Variants in SCFD2 observed in about 807,000 individuals in gnomAD.
SCFD2 encodes the protein sec1 family domain containing 2.
A neutral mutation model predicts 58.9 loss-of-function variants in SCFD2; 54 were observed. The observed-to-expected ratio is 0.92, with a 90% confidence interval of 0.74 to 1.15. SCFD2 has a LOEUF of 1.15. Among genes scored for constraint, SCFD2 ranks in the 50% most tolerant of loss-of-function variants. SCFD2 has a pLI of 0.00. For missense variants in SCFD2, 805 were observed against 836.6 expected (o/e 0.96, Z 0.47); for synonymous variants, 321 against 335.9 (o/e 0.96, Z 0.49).
intron 1 of SCFD2, among the ~76,000 whole-genome samples, chr4:53,356,886 G>A (rs1345665183): frequency 2.0e-5 from 3 of 151,858 alleles, no homozygotes; most frequent in Non-Finnish European, 2.9e-5. Flanking sequence ...ACAGGCGCCT[G>A]CCACCACGCC....
In SCFD2 at chr4:53,008,640, G is replaced by A. The variant is rs139888401; in HGVS notation, c.1562-87770C>T. The stretch of plus-strand genomic sequence containing the variant: ...AAGTCAGCCAGGGTCAGGGAATGGA[G>A]AGGTGCATGTATAAAACGCTCTTCA... On this transcript the variant is annotated intron_variant, in intron 5 of 8. Coordinates refer to ENST00000401642, the MANE Select transcript of SCFD2 (RefSeq NM_152540.4). 3.5e-3 allele frequency among the ~76,000 whole-genome samples: 526 copies of A among 152,256 alleles called. 2 individuals are homozygous for A. The highest frequency in any genetic ancestry group is 0.012 in the African/African-American group (500 of 41,560).
chr4:52,873,926 C>A lies in SCFD2; in HGVS notation c.*43G>T, dbSNP rs138867267. The A allele has an allele frequency of 7.9e-5, 113 of 1,433,318 alleles. No individual in the cohort carries two copies. Among genetic ancestry groups the A allele is most frequent in the Non-Finnish European group, 1.0e-4 (106 of 1,015,916 alleles). 88.8% of individuals were successfully genotyped at this position (1,433,318 alleles called of 1,614,324 possible). A position where few individuals can be genotyped will look rare whatever the true frequency, so the allele number is the denominator to read the frequency against. ...TTGGAGTGGTGGCAGAAAATTGCAT[C>A]GGCATTTCCAGCTTGAGTAGGTCTT... On this transcript the variant is annotated 3_prime_UTR_variant, in exon 9 of 9. Transcript: ENST00000401642.
intron 5 of SCFD2, among the ~76,000 whole-genome samples, chr4:53,140,488 GA>G (rs1439194163): frequency 2.0e-5 from 3 of 149,192 alleles, no homozygotes; most frequent in Non-Finnish European, 3.0e-5. Flanking sequence ...CCTTGTTTTA[GA>G]AAGCTGGGCA....
At chr4:53,361,546 G>A (rs1024626427) in intron 1 of SCFD2, among the ~76,000 whole-genome samples, 2 of 152,206 alleles carry the variant, frequency 1.3e-5, no homozygotes, top group Admixed American at 1.3e-4. Context: ...ACAGGCATGA[G>A]CCACTATACC....
At chr4:53,349,800 G>C (rs937227342) in intron 2 of SCFD2, among the ~76,000 whole-genome samples, 3 of 152,104 alleles carry the variant, frequency 2.0e-5, no homozygotes, top group Non-Finnish European at 4.4e-5. Context: ...CCAATGATGG[G>C]CTCTTCTTTC....
intron 4 of SCFD2, among the ~76,000 whole-genome samples, chr4:53,190,205 A>G (rs553486504): frequency 9.9e-6 from 1 of 100,622 alleles, no homozygotes; most frequent in South Asian, 4.3e-4. Flanking sequence ...ATAATCCCCA[A>G]TCACTGGCAT....
intron 8 of SCFD2, among the ~76,000 whole-genome samples, chr4:52,876,038 C>A (rs191385771): frequency 6.6e-6 from 1 of 151,766 alleles, no homozygotes; most frequent in African/African-American, 2.4e-5. Flanking sequence ...AGGGTCTCTA[C>A]GTCTTTCAGG....
At chr4:52,951,639 G>C (rs571639186) in intron 5 of SCFD2, among the ~76,000 whole-genome samples, 1 of 152,316 alleles carries the variant, frequency 6.6e-6, no homozygotes, top group African/African-American at 2.4e-5. Context: ...CATGTGATTA[G>C]TTCTTGTCAA....
At chr4:53,216,704 G>A (rs759659090) in intron 4 of SCFD2, among the ~76,000 whole-genome samples, 4 of 152,012 alleles carry the variant, frequency 2.6e-5, no homozygotes, top group Admixed American at 6.6e-5. Context: ...GAATGTGTTT[G>A]CTCTTGCTTC....
intron 4 of SCFD2, among the ~76,000 whole-genome samples, chr4:53,247,689 C>T (rs1437573522): frequency 6.6e-6 from 1 of 150,740 alleles, no homozygotes; most frequent in African/African-American, 2.4e-5. Context: ...GAAACCCCGT[C>T]TCTACTAAAA....
chr4:53,170,237 A>T (rs1255457730), intron 4 of SCFD2, among the ~76,000 whole-genome samples: 1 of 152,158 alleles, frequency 6.6e-6, no homozygotes, highest in Non-Finnish European at 1.5e-5. Flanking sequence ...GTTCAGTTTC[A>T]TTCTTTTGCA....
chr4:53,294,071 C>G (rs1193870752), intron 3 of SCFD2, among the ~76,000 whole-genome samples: 2 of 152,136 alleles, frequency 1.3e-5, no homozygotes, highest in African/African-American at 4.8e-5. Flanking sequence ...GGTTCCAAGT[C>G]TATGCTATTG....
At chr4:53,257,635 A>T (rs1056332180) in intron 4 of SCFD2, among the ~76,000 whole-genome samples, 1 of 152,152 alleles carries the variant, frequency 6.6e-6, no homozygotes, top group Non-Finnish European at 1.5e-5. Context: ...GGGTTTTTTG[A>T]TACAATATTG....
chr4:53,048,022 G>A (rs1341080912), intron 5 of SCFD2, among the ~76,000 whole-genome samples: 1 of 152,132 alleles, frequency 6.6e-6, no homozygotes, highest in East Asian at 1.9e-4. Context: ...AGACCCAGCA[G>A]CATCACCAGC....
At chr4:53,238,681 C>T (rs1306919610) in intron 4 of SCFD2, among the ~76,000 whole-genome samples, 18 of 148,198 alleles carry the variant, frequency 1.2e-4, no homozygotes, top group East Asian at 4.1e-4. Flanking sequence ...ACCTCCCAGA[C>T]GGGGTTGCGG....
At chr4:52,997,645 G>A (rs1390320507) in intron 5 of SCFD2, among the ~76,000 whole-genome samples, 1 of 152,192 alleles carries the variant, frequency 6.6e-6, no homozygotes, top group Non-Finnish European at 1.5e-5. Flanking sequence ...TCAGGGCTTA[G>A]GCCTGGGGAA....
chr4:53,138,347 T>TA (rs983528185), intron 5 of SCFD2, among the ~76,000 whole-genome samples: 16 of 152,204 alleles, frequency 1.1e-4, no homozygotes, highest in Admixed American at 1.0e-3. Context: ...CTTTTTTTGA[T>TA]ATACCTCTCT....
chr4:53,179,205 C>A (rs1727454840), intron 4 of SCFD2, among the ~76,000 whole-genome samples: 1 of 152,146 alleles, frequency 6.6e-6, no homozygotes. Flanking sequence ...TTGTCAGATT[C>A]ACCAAAGTTG....
chr4:52,965,047 A>G (rs1455159600), intron 5 of SCFD2, among the ~76,000 whole-genome samples: 2 of 152,038 alleles, frequency 1.3e-5, no homozygotes, highest in African/African-American at 4.8e-5. Flanking sequence ...TGCTGTTGCC[A>G]TCTATTTCAT....
Sources: gnomAD v4.1 joint callset for allele counts (sites outside exome capture counted in the v4.1 genomes callset) on GRCh38, gnomAD v4.1.1 for gene constraint, MANE v1.5 for transcripts, NCBI Gene and HGNC (gene_info 2026-07-23, HGNC 2026-07-21) for gene names.